The following ELAVL2 variants were observed in gnomAD, a reference collection of about 807,000 sequenced individuals.
ELAVL2 encodes the protein ELAV-like protein 2.
A neutral mutation model predicts 34.6 loss-of-function variants in ELAVL2; 4 were observed. The observed-to-expected ratio is 0.12, with a 90% CI of 0.06 to 0.26. ELAVL2 has a LOEUF of 0.26. Ranked by LOEUF, ELAVL2 falls within the 10% of genes least tolerant of loss-of-function variation. The pLI, the probability that ELAVL2 is intolerant of heterozygous loss-of-function variation, is 1.00. For missense variants in ELAVL2, 432 were observed against 442.8 expected (o/e 0.98, Z 0.22); for synonymous variants, 193 against 154.8 (o/e 1.25, Z -1.83).
chr9:23,749,705 T>C (rs539694923), intron 2 of ELAVL2, among the ~76,000 whole-genome samples: 40 of 152,248 alleles, frequency 2.6e-4, no homozygotes, highest in Admixed American at 5.9e-4. Context: ...CCGGTGAACA[T>C]TTCATTTAAA....
intron 1 of ELAVL2, among the ~76,000 whole-genome samples, chr9:23,782,819 T>G (rs1405144419): frequency 6.6e-6 from 1 of 152,136 alleles, no homozygotes; most frequent in Non-Finnish European, 1.5e-5. Flanking sequence ...CAAGGTTTGG[T>G]AAACAGACTT....
At chr9:23,790,428 T>G (rs2060197085) in intron 1 of ELAVL2, among the ~76,000 whole-genome samples, 2 of 152,198 alleles carry the variant, frequency 1.3e-5, no homozygotes, top group African/African-American at 4.8e-5. Flanking sequence ...GAATAGATTT[T>G]CTACTTAGGA....
intron 3 of ELAVL2, among the ~76,000 whole-genome samples, chr9:23,707,942 T>G (rs1473943209): frequency 6.6e-6 from 1 of 152,178 alleles, no homozygotes; most frequent in Non-Finnish European, 1.5e-5. Context: ...CAGATGAGTG[T>G]AGGTGGTGTG....
intron 5 of ELAVL2, among the ~76,000 whole-genome samples, chr9:23,699,884 T>C (rs1433345912): frequency 1.5e-5 from 2 of 136,872 alleles, no homozygotes; most frequent in Non-Finnish European, 3.1e-5. Context: ...CAGCAGAGCA[T>C]GAAGTACAAG....
At chr9:23,762,994 G>GATCTACAACATCTGATCTACCAACA (rs2055392849) in intron 1 of ELAVL2, among the ~76,000 whole-genome samples, 1 of 152,022 alleles carries the variant, frequency 6.6e-6, no homozygotes, top group African/African-American at 2.4e-5. Context: ...CCAACAAGGT[G>GATCTACAACATCTGATCTACCAACA]ACTGATCTAC....
chr9:23,701,654 G>A (rs776834522), intron 4 of ELAVL2, 50 bp from the exon 5 acceptor site: 41 of 1,575,076 alleles, frequency 2.6e-5, no homozygotes, highest in African/African-American at 6.8e-5. Flanking sequence ...AGAAGGAGAA[G>A]GGAAGGAGAG....
chr9:23,815,114 C>A (rs940605966), intron 1 of ELAVL2, among the ~76,000 whole-genome samples: 5 of 151,888 alleles, frequency 3.3e-5, no homozygotes, highest in African/African-American at 1.2e-4. Flanking sequence ...AGGAATGGAT[C>A]CTTGATAAGA....
intron 2 of ELAVL2, among the ~76,000 whole-genome samples, chr9:23,759,064 G>A (rs539241578): frequency 6.6e-6 from 1 of 152,052 alleles, no homozygotes; most frequent in South Asian, 2.1e-4. Context: ...CCCCACTACT[G>A]CATGTTAACC....
intron 1 of ELAVL2, among the ~76,000 whole-genome samples, chr9:23,812,435 C>T (rs972967224): frequency 2.0e-5 from 3 of 152,194 alleles, no homozygotes; most frequent in East Asian, 1.9e-4. Flanking sequence ...AGAAGCTCCA[C>T]GGGAATGACT....
In ELAVL2 at chr9:23,802,698, T is replaced by A. The variant is rs1427647795; in HGVS notation, c.-16+23108A>T. On this transcript the variant is annotated intron_variant, in intron 1 of 6. Transcript: ENST00000397312. The stretch of plus-strand genomic sequence containing the variant: ...GTCAAGAGAATGCCTTTTCCTCTCA[T>A]AAATGTACAGTAGAGCTTTCTAAAG... 2.0e-5 allele frequency among the ~76,000 whole-genome samples: 3 copies of A among 152,214 alleles called. No individual in the cohort carries two copies. The East Asian group carries it at 5.8e-4, about 29-fold the overall frequency.
chr9:23,762,441 A>G (rs146662236), intron 1 of ELAVL2, among the ~76,000 whole-genome samples, 192 bp from the exon 2 acceptor site: 4 of 152,230 alleles, frequency 2.6e-5, no homozygotes, highest in African/African-American at 9.6e-5. Flanking sequence ...GGTTACAACT[A>G]TATTTTCACA....
chr9:23,710,529 A>G (rs2040639112), intron 3 of ELAVL2, among the ~76,000 whole-genome samples: 1 of 152,202 alleles, frequency 6.6e-6, no homozygotes, highest in African/African-American at 2.4e-5. Flanking sequence ...TTTAAACTAA[A>G]AACATTTGAG....
At chr9:23,758,270 T>C (rs1321818598) in intron 2 of ELAVL2, among the ~76,000 whole-genome samples, 1 of 152,056 alleles carries the variant, frequency 6.6e-6, no homozygotes, top group Non-Finnish European at 1.5e-5. Flanking sequence ...AGAGATACAT[T>C]AGTACTACCT....
chr9:23,778,163 A>T (rs1002581337), intron 1 of ELAVL2, among the ~76,000 whole-genome samples: 2 of 152,174 alleles, frequency 1.3e-5, no homozygotes, highest in African/African-American at 4.8e-5. Context: ...TGCAAAAACA[A>T]AAAATAAAAA....
At chr9:23,830,914 A>C (rs1042166042), upstream of ELAVL2, among the ~76,000 whole-genome samples, 5 of 152,086 alleles carry the variant, frequency 3.3e-5, no homozygotes, top group Admixed American at 6.5e-5. Context: ...AAAAAACCCC[A>C]AAAAACCCGG....
chr9:23,762,301 A>G, intron 1 of ELAVL2, 52 bp from the exon 2 acceptor site: 1 of 1,581,026 alleles, frequency 6.3e-7, no homozygotes, highest in Non-Finnish European at 8.6e-7. Context: ...ACAACCTATT[A>G]GAGACTCCAT....
At chr9:23,752,548 G>T (rs1345703259) in intron 2 of ELAVL2, among the ~76,000 whole-genome samples, 1 of 151,294 alleles carries the variant, frequency 6.6e-6, no homozygotes, top group Admixed American at 6.6e-5. Context: ...TCCGCCTCCC[G>T]GGTTGAAGCG....
chr9:23,821,808 C>G lies in ELAVL2; in HGVS notation c.-16+3998G>C, dbSNP rs1346135619. 4 of 151,550 alleles carry G rather than the reference C, an allele frequency of 2.6e-5. No individual in the cohort carries two copies. The South Asian group carries it at 8.3e-4, about 31-fold the overall frequency. 9.4% of individuals were successfully genotyped at this position (151,550 alleles called of 1,614,324 possible). On this transcript the variant is annotated intron_variant, in intron 1 of 6. Coordinates refer to ENST00000397312, the MANE Select transcript of ELAVL2 (RefSeq NM_004432.5). ...ACCGCCCTCCTCACCCGGCCGGCTA[C>G]TGCCTCAGTGACGCCCAGGCGCCGC...
intron 5 of ELAVL2, among the ~76,000 whole-genome samples, chr9:23,698,556 CA>C (rs2036068776): frequency 6.6e-6 from 1 of 152,058 alleles, no homozygotes; most frequent in East Asian, 1.9e-4. Context: ...ACTATGAGAA[CA>C]TAAAAATACA....
Sources: gnomAD v4.1 joint callset for allele counts (sites outside exome capture counted in the v4.1 genomes callset) on GRCh38, gnomAD v4.1.1 for gene constraint, MANE v1.5 for transcripts, NCBI Gene and HGNC (gene_info 2026-07-23, HGNC 2026-07-21) for gene names.